Variants in HEXB observed in about 807,000 individuals in gnomAD.
The protein encoded by HEXB is beta-hexosaminidase subunit beta.
Under a neutral mutation model 71.2 loss-of-function variants are expected in HEXB, and 51 were observed. The observed-to-expected ratio is 0.72, with a 90% CI of 0.57 to 0.90. The LOEUF is 0.90. HEXB is among the 40% of genes least tolerant of loss of function. HEXB has a pLI of 0.00. For missense variants in HEXB, 617 were observed against 677.0 expected, an observed-to-expected ratio of 0.91 and a Z score of 0.98; for synonymous variants, 266 against 249.3, an observed-to-expected ratio of 1.07 and a Z score of -0.63.
At chr5:74,647,451 G>A (rs1429557238) in intron 1 of HEXB, among the ~76,000 whole-genome samples, 2 of 152,344 alleles carry the variant, frequency 1.3e-5, no homozygotes, top group East Asian at 3.9e-4. Flanking sequence ...TTGGGCAGGA[G>A]TCTGAAATCA....
chr5:74,647,296 C>T (rs748519079), intron 1 of HEXB, among the ~76,000 whole-genome samples: 4 of 152,208 alleles, frequency 2.6e-5, no homozygotes, highest in Non-Finnish European at 5.9e-5. Flanking sequence ...GGGCACAATG[C>T]CAAGTCTCTA....
chr5:74,640,504 C>T (rs1311741335), exon 1 of HEXB: 1 of 152,312 alleles, frequency 6.6e-6, no homozygotes, highest in Admixed American at 6.5e-5. Flanking sequence ...TCTGTCGTCC[C>T]CACGCCGCGG....
intron 1 of HEXB, among the ~76,000 whole-genome samples, chr5:74,645,283 C>T (rs902204334): frequency 2.0e-5 from 3 of 152,144 alleles, no homozygotes; most frequent in Non-Finnish European, 2.9e-5. Flanking sequence ...TTCACTGCAG[C>T]GTATAACTCC....
rs770541017 is a variant in HEXB at position 74,693,635 on chromosome 5, A to G, written c.446-4A>G. ...GTGTGTGTGATTTTAAATCCTCAAT[A>G]CAGATACTTTACTTGTGAAAGAACC... On this transcript the variant is annotated splice_region_variant and splice_polypyrimidine_tract_variant and intron_variant, in intron 2 of 13. Transcript: ENST00000261416. 39 of 1,604,882 alleles carry G rather than the reference A, an allele frequency of 2.4e-5. No homozygotes were observed. Among genetic ancestry groups the G allele is most frequent in the Non-Finnish European group, 3.3e-5 (39 of 1,171,572 alleles).
chr5:74,670,882 C>T (rs1189824537), intron 1 of HEXB, among the ~76,000 whole-genome samples: 1 of 152,080 alleles, frequency 6.6e-6, no homozygotes, highest in Admixed American at 6.5e-5. Flanking sequence ...CGCTCACACA[C>T]CCCCTCCCAC....
At chr5:74,710,222 T>C (rs1266501296) in intron 6 of HEXB, among the ~76,000 whole-genome samples, 1 of 151,980 alleles carries the variant, frequency 6.6e-6, no homozygotes, top group Non-Finnish European at 1.5e-5. Flanking sequence ...AAAAGGCCTT[T>C]GACAAAATTC....
At position 74,718,947 on chromosome 5, in the gene HEXB, A is replaced by G. The variant is rs772290421; in HGVS notation, c.1393A>G (p.Lys465Glu). The change falls in exon 11 of 14, where the codon AAA becomes GAA. Residue 465 changes from lysine (K) to glutamate (E), a missense_variant. By Grantham distance (56) the Lys-to-Glu change is moderately conservative. Coordinates refer to ENST00000261416, the MANE Select transcript of HEXB (RefSeq NM_000521.4). Reference sequence around the variant, plus strand: ...TGGACAAGATTGGAGGAAATACTATAAAGTGGAACCTCTTGATTTTGGCGG... The same window carrying G: ...TGGACAAGATTGGAGGAAATACTATGAAGTGGAACCTCTTGATTTTGGCGG... ...SYGQDWRKYY[K>E]VEPLDFGGTQ... 6.2e-7 allele frequency: 1 copy of G among 1,614,090 alleles called. No individual in the cohort carries two copies. Among genetic ancestry groups the G allele is most frequent in the East Asian group, 2.2e-5 (1 of 44,864 alleles).
intron 1 of HEXB, among the ~76,000 whole-genome samples, chr5:74,647,497 G>A (rs978820043): frequency 6.6e-6 from 1 of 152,242 alleles, no homozygotes; most frequent in African/African-American, 2.4e-5. Flanking sequence ...AATGAACAAA[G>A]AATGAAGAAA....
chr5:74,718,451 A>C (rs373707103), intron 10 of HEXB, 88 bp downstream of exon 10: 2 of 974,910 alleles, frequency 2.1e-6, no homozygotes, highest in East Asian at 4.8e-5. Flanking sequence ...TCTAACTACT[A>C]GTATTACCTT....
intron 5 of HEXB, among the ~76,000 whole-genome samples, chr5:74,697,570 AC>A (rs1285207668): frequency 2.0e-5 from 3 of 152,006 alleles, no homozygotes; most frequent in Non-Finnish European, 2.9e-5. Flanking sequence ...TACTAAAAAT[AC>A]AAAAATTAGC....
chr5:74,656,401 C>T (rs1487704443), intron 1 of HEXB, among the ~76,000 whole-genome samples: 1 of 151,900 alleles, frequency 6.6e-6, no homozygotes, highest in Non-Finnish European at 1.5e-5. Flanking sequence ...ATCACTTGAA[C>T]CCGGGAGGCA....
intron 6 of HEXB, among the ~76,000 whole-genome samples, chr5:74,709,419 A>T (rs1215917703): frequency 6.6e-6 from 1 of 152,218 alleles, no homozygotes; most frequent in African/African-American, 2.4e-5. Context: ...AAAAGCTAGC[A>T]GAAGGCAAGA....
At chr5:74,664,764 C>G (rs554718465) in intron 1 of HEXB, among the ~76,000 whole-genome samples, 1 of 152,146 alleles carries the variant, frequency 6.6e-6, no homozygotes, top group South Asian at 2.1e-4. Context: ...AATTTTCCAG[C>G]TCATCGTCCA....
chr5:74,694,305 A>G (rs539072269), intron 3 of HEXB, among the ~76,000 whole-genome samples: 2 of 152,308 alleles, frequency 1.3e-5, no homozygotes, highest in East Asian at 3.9e-4. Flanking sequence ...CATGGCCCCA[A>G]CCTGTCCTGA....
rs1561201471 is a variant in HEXB at position 74,652,751 on chromosome 5, C to T, written c.-377+12193C>T. 2.6e-5 allele frequency among the ~76,000 whole-genome samples: 4 copies of T among 152,240 alleles called. No individual in the cohort carries two copies. The highest frequency in any genetic ancestry group is 6.8e-3 in the Middle Eastern group (2 of 294). On this transcript the variant is annotated intron_variant, in intron 1 of 13. Transcript: ENST00000511181. This position sits in a 1 kb window ranked among gnomAD's most constrained non-coding sequence, Gnocchi z 5.4. ...CATCTGGTCCTCCCACATCTGCCCA[C>T]AGCACCAGCTCCGAGATAACCATCA...
In HEXB at chr5:74,720,676, G is replaced by T. The variant is rs1417317737; in HGVS notation, c.1542G>T (p.Trp514Cys). Reference protein sequence around the residue: ...PRASAVGERLWSSKDVRDMDD... With the variant: ...PRASAVGERLCSSKDVRDMDD... ...CAAGTGCTGTTGGTGAGAGACTCTG[G>T]AGTTCCAAAGATGTCAGAGATATGG... Residue 514 changes from tryptophan to cysteine, a missense_variant, in exon 13 of 14, where the codon TGG (tryptophan) becomes TGT (cysteine). Trp to Cys is a radical substitution (Grantham distance 215). Transcript: ENST00000261416. 6.2e-7 allele frequency: 1 copy of T among 1,614,004 alleles called. No homozygotes were observed. The highest frequency in any genetic ancestry group is 8.5e-7 in the Non-Finnish European group (1 of 1,180,008).
chr5:74,648,165 GA>G (rs1748035389), intron 1 of HEXB, among the ~76,000 whole-genome samples: 1 of 152,202 alleles, frequency 6.6e-6, no homozygotes, highest in Non-Finnish European at 1.5e-5. Context: ...AGGGATACTT[GA>G]GGATTATAGA....
intron 13 of HEXB, 154 bp downstream of exon 13, chr5:74,720,901 T>C: frequency 1.3e-6 from 1 of 787,228 alleles, no homozygotes; most frequent in Non-Finnish European, 2.2e-6. Flanking sequence ...TAAAGATATA[T>C]TCAGACTTGT....
At position 74,716,588 on chromosome 5, in the gene HEXB, GAATCA is replaced by G. The variant is rs1437667782; in HGVS notation, c.1089_1093del (p.Asn364LysfsTer16). Reference sequence around the variant, plus strand: ...AATTTTAATCACTTTTTGCTTCAGGGAATCAAATCCAAAAATTCAAGATTTCATGA... The same window carrying G: ...AATTTTAATCACTTTTTGCTTCAGGGAATCCAAAAATTCAAGATTTCATGA... On this transcript the variant is annotated frameshift_variant and splice_region_variant, in exon 9 of 14. Coordinates refer to ENST00000261416, the MANE Select transcript of HEXB (RefSeq NM_000521.4). LOFTEE classifies it high-confidence loss of function. The G allele has an allele frequency of 1.3e-6, 2 of 1,597,178 alleles. No homozygotes were observed. Among genetic ancestry groups the G allele is most frequent in the Non-Finnish European group, 8.6e-7 (1 of 1,167,210 alleles).
Sources: gnomAD v4.1 joint callset for allele counts (sites outside exome capture counted in the v4.1 genomes callset) on GRCh38, gnomAD v4.1.1 for gene constraint, Gnocchi (gnomAD v3.1) non-coding constraint, MANE v1.5 for transcripts, NCBI Gene and HGNC (gene_info 2026-07-23, HGNC 2026-07-21) for gene names.